SSBP2: variants seen among roughly 807,000 people sequenced by gnomAD.
The protein encoded by SSBP2 is single stranded DNA binding protein 2, also known as single-stranded DNA-binding protein 2.
A neutral mutation model predicts 61.8 loss-of-function variants in SSBP2; 17 were observed. The ratio of observed to expected loss-of-function variants is 0.28; its 90% CI spans 0.19 to 0.41. The LOEUF is 0.41. Among genes scored for constraint, SSBP2 ranks in the 10% least tolerant of loss-of-function variants. The pLI is 1.00. For missense variants in SSBP2, 310 were observed against 458.7 expected (o/e 0.68, Z 2.96); for synonymous variants, 139 against 141.3 (o/e 0.98, Z 0.12).
chr5:81,683,443 T>A (rs72773078), intron 1 of SSBP2, among the ~76,000 whole-genome samples: 1 of 152,112 alleles, frequency 6.6e-6, no homozygotes, highest in South Asian at 2.1e-4. Flanking sequence ...ACAAAATAAA[T>A]CTAGACACAT....
intron 4 of SSBP2, among the ~76,000 whole-genome samples, chr5:81,538,942 T>C (rs1309756721): frequency 6.6e-6 from 1 of 152,220 alleles, no homozygotes; most frequent in Non-Finnish European, 1.5e-5. Context: ...AAACACAATA[T>C]CTATTCTGCA....
chr5:81,454,253 G>A (rs1374920238), intron 10 of SSBP2, among the ~76,000 whole-genome samples: 5 of 152,120 alleles, frequency 3.3e-5, no homozygotes, highest in African/African-American at 2.4e-5. Flanking sequence ...TAGAGCCTTC[G>A]GATTGTCTTG....
At chr5:81,531,244 A>G (rs1176477316) in intron 4 of SSBP2, among the ~76,000 whole-genome samples, 31 of 143,254 alleles carry the variant, frequency 2.2e-4, no homozygotes, top group African/African-American at 6.3e-4. Flanking sequence ...AAAAAAAAAG[A>G]AAAAAAAAAA....
At chr5:81,564,885 G>A (rs561162687) in intron 4 of SSBP2, among the ~76,000 whole-genome samples, 6 of 152,208 alleles carry the variant, frequency 3.9e-5, no homozygotes, top group South Asian at 4.1e-4. Flanking sequence ...TTAAAAAACC[G>A]CTTGCCAGCT....
Position 81,461,063 on chromosome 5 carries a change from C to G in SSBP2, c.679G>C (p.Ala227Pro), listed in dbSNP as rs199892359. ...TATATATATATACTCACTGAATTGG[C>G]ATTTGTTGGGTTTGGCCAAGGTCTA... is the stretch of plus-strand genomic sequence containing the variant. Residue 227 changes from alanine (A) to proline (P), a missense_variant, in exon 10 of 17, where the codon GCC becomes CCC. Physicochemically the swap from Ala to Pro is conservative, Grantham distance 27. This residue lies in a region of SSBP2 where 209 missense variants were observed against 286.4 expected (regional missense o/e 0.73). Coordinates refer to ENST00000320672, the MANE Select transcript of SSBP2 (RefSeq NM_012446.5). The G allele has an allele frequency of 1.2e-4, 196 of 1,568,536 alleles. No individual in the cohort carries two copies. Among genetic ancestry groups the G allele is most frequent in the Non-Finnish European group, 1.2e-4 (139 of 1,154,912 alleles).
At chr5:81,445,125 G>GA (rs1457840700) in intron 12 of SSBP2, among the ~76,000 whole-genome samples, 2 of 39,534 alleles carry the variant, frequency 5.1e-5, no homozygotes, top group African/African-American at 9.5e-5. Flanking sequence ...TCTCAGCAAA[G>GA]AAAAAAAAAA....
At chr5:81,526,826 T>C (rs1415479254) in intron 4 of SSBP2, among the ~76,000 whole-genome samples, 1 of 151,712 alleles carries the variant, frequency 6.6e-6, no homozygotes, top group East Asian at 1.9e-4. Flanking sequence ...TTTACCAGTG[T>C]GATAAAAATT....
chr5:81,493,236 T>TAA (rs1433096404), intron 5 of SSBP2, among the ~76,000 whole-genome samples: 4 of 148,116 alleles, frequency 2.7e-5, no homozygotes, highest in African/African-American at 1.0e-4. Context: ...CATATATATA[T>TAA]TTGAATGAAC....
At chr5:81,565,412 T>C (rs950857839) in intron 4 of SSBP2, among the ~76,000 whole-genome samples, 5 of 152,174 alleles carry the variant, frequency 3.3e-5, no homozygotes, top group African/African-American at 1.2e-4. Context: ...TATAAAACTA[T>C]TGGCCTAAAA....
At chr5:81,567,925 T>C (rs1773557566) in intron 4 of SSBP2, among the ~76,000 whole-genome samples, 1 of 152,232 alleles carries the variant, frequency 6.6e-6, no homozygotes, top group African/African-American at 2.4e-5. Context: ...GCCCAATGTC[T>C]GTACCCCCTG....
chr5:81,455,172 A>C (rs895675829), intron 10 of SSBP2, among the ~76,000 whole-genome samples: 1 of 151,908 alleles, frequency 6.6e-6, no homozygotes, highest in African/African-American at 2.4e-5. Flanking sequence ...TCAAAAAAAA[A>C]CAAAAAACAA....
chr5:81,745,446 G>A (rs757523120), intron 1 of SSBP2, among the ~76,000 whole-genome samples: 2 of 152,138 alleles, frequency 1.3e-5, no homozygotes, highest in East Asian at 1.9e-4. Context: ...TATTCCAAAC[G>A]CTTCAGATAT....
intron 1 of SSBP2, among the ~76,000 whole-genome samples, chr5:81,685,628 A>G (rs1158691969): frequency 2.0e-5 from 3 of 152,206 alleles, no homozygotes; most frequent in East Asian, 1.9e-4. Context: ...CAGATGGGCT[A>G]TATTAACTTC....
At chr5:81,543,742 A>C (rs896452309) in intron 4 of SSBP2, among the ~76,000 whole-genome samples, 1 of 152,238 alleles carries the variant, frequency 6.6e-6, no homozygotes, top group African/African-American at 2.4e-5. Context: ...TCCTACAAAT[A>C]GTAGGCATTC....
chr5:81,612,439 A>C (rs552204734), intron 4 of SSBP2, among the ~76,000 whole-genome samples: 1 of 152,256 alleles, frequency 6.6e-6, no homozygotes, highest in African/African-American at 2.4e-5. Context: ...ATAATTGCAG[A>C]TATTTGGAAA....
At chr5:81,670,891 C>G (rs1234969060) in intron 1 of SSBP2, among the ~76,000 whole-genome samples, 1 of 152,190 alleles carries the variant, frequency 6.6e-6, no homozygotes, top group East Asian at 1.9e-4. Flanking sequence ...TTCAGTTATA[C>G]CTACTTCATC....
At chr5:81,590,117 C>A (rs548649168) in intron 4 of SSBP2, among the ~76,000 whole-genome samples, 1 of 151,990 alleles carries the variant, frequency 6.6e-6, no homozygotes. Flanking sequence ...CAAACTGTCT[C>A]GCTCATAAGT....
intron 15 of SSBP2, among the ~76,000 whole-genome samples, chr5:81,429,520 T>G (rs1762158843): frequency 6.6e-6 from 1 of 152,194 alleles, no homozygotes; most frequent in Non-Finnish European, 1.5e-5. Flanking sequence ...ATAAACCATG[T>G]TTATACAGTA....
chr5:81,734,519 A>C (rs1756465927), intron 1 of SSBP2, among the ~76,000 whole-genome samples: 1 of 152,222 alleles, frequency 6.6e-6, no homozygotes, highest in African/African-American at 2.4e-5. Flanking sequence ...AACAAATCCC[A>C]GTACACACCA....
Sources: gnomAD v4.1 joint callset for allele counts (sites outside exome capture counted in the v4.1 genomes callset) on GRCh38, gnomAD v4.1.1 for gene constraint, gnomAD v4.1.1 regional missense constraint, MANE v1.5 for transcripts, NCBI Gene and HGNC (gene_info 2026-07-23, HGNC 2026-07-21) for gene names.